Variants in GRID2 observed in about 807,000 individuals in gnomAD.
The protein encoded by GRID2 is glutamate ionotropic receptor delta type subunit 2.
A neutral mutation model predicts 114.8 loss-of-function variants in GRID2; 33 were observed. The ratio of observed to expected loss-of-function variants is 0.29; its 90% CI spans 0.22 to 0.38. GRID2 has a LOEUF of 0.38. Ranked by LOEUF, GRID2 falls within the 10% of genes least tolerant of loss-of-function variation. GRID2 has a pLI of 1.00. For missense variants in GRID2, 1,184 were observed against 1,257.7 expected (o/e 0.94, Z 0.89); for synonymous variants, 505 against 449.9 (o/e 1.12, Z -1.55).
rs189189673 is a variant in GRID2, at chr4:93,474,632, C to A, written c.1859-16007C>A. 2.8e-3 allele frequency among the ~76,000 whole-genome samples: 419 copies of A among 152,144 alleles called. 3 individuals carry two copies. Among genetic ancestry groups the A allele is most frequent in the Non-Finnish European group, 2.9e-3 (199 of 67,998 alleles). ...ACGAAATGGAAATAATAAATCAGAA[C>A]CCTTGGTGGAAGAAATGGCGCATGT... is the stretch of plus-strand genomic sequence containing the variant. On this transcript the variant is annotated intron_variant, in intron 11 of 15. Transcript: ENST00000282020.
At chr4:92,848,351 C>T (rs1469840787) in intron 2 of GRID2, among the ~76,000 whole-genome samples, 2 of 151,758 alleles carry the variant, frequency 1.3e-5, no homozygotes, top group African/African-American at 4.8e-5. Flanking sequence ...TCCCTTCCTG[C>T]CTTGCTTCCT....
chr4:92,803,163 A>C (rs1740254020), intron 2 of GRID2, among the ~76,000 whole-genome samples: 1 of 151,842 alleles, frequency 6.6e-6, no homozygotes, highest in African/African-American at 2.4e-5. Flanking sequence ...TTCCATACAA[A>C]ATTTGAAGTA....
chr4:93,711,598 G>T (rs1349223059), intron 14 of GRID2, among the ~76,000 whole-genome samples: 2 of 152,128 alleles, frequency 1.3e-5, no homozygotes, highest in Non-Finnish European at 2.9e-5. Context: ...TTCCCCTCTG[G>T]CTAGGGATGG....
intron 2 of GRID2, among the ~76,000 whole-genome samples, chr4:92,628,328 G>A (rs1229880126): frequency 1.3e-5 from 2 of 151,778 alleles, no homozygotes; most frequent in African/African-American, 4.8e-5. Flanking sequence ...ATTAAGAAGG[G>A]CACTGGAAAT....
chr4:93,048,267 A>G (rs1321478733), intron 2 of GRID2, among the ~76,000 whole-genome samples: 1 of 152,052 alleles, frequency 6.6e-6, no homozygotes. Flanking sequence ...ACTCATTGTC[A>G]TTTCATGAGG....
chr4:92,497,836 A>C (rs1371550942), intron 1 of GRID2, among the ~76,000 whole-genome samples: 3 of 151,918 alleles, frequency 2.0e-5, no homozygotes, highest in Non-Finnish European at 4.4e-5. Context: ...TACATATTTA[A>C]AAATTTTACG....
chr4:92,473,979 TGTGTG>T (rs1722170976), intron 1 of GRID2, among the ~76,000 whole-genome samples: 1 of 151,022 alleles, frequency 6.6e-6, no homozygotes, highest in African/African-American at 2.4e-5. Context: ...TGTGTGTGTG[TGTGTG>T]TGTGTGTGTG....
intron 4 of GRID2, among the ~76,000 whole-genome samples, chr4:93,146,263 C>T (rs760167016): frequency 4.6e-5 from 7 of 152,138 alleles, no homozygotes; most frequent in South Asian, 4.2e-4. Context: ...ATAGTGACAT[C>T]GAGAGTTAAT....
At chr4:93,655,498 G>C (rs2149727989) in intron 14 of GRID2, among the ~76,000 whole-genome samples, 1 of 152,078 alleles carries the variant, frequency 6.6e-6, no homozygotes, top group South Asian at 2.1e-4. Flanking sequence ...ATGATGAAGA[G>C]TAATTATCAA....
chr4:92,899,990 A>T (rs1176133761), intron 2 of GRID2, among the ~76,000 whole-genome samples: 1 of 152,058 alleles, frequency 6.6e-6, no homozygotes, highest in African/African-American at 2.4e-5. Context: ...TGTTCTAGAG[A>T]TGGAGGGGAA....
intron 13 of GRID2, among the ~76,000 whole-genome samples, chr4:93,566,872 A>C (rs1267476238): frequency 6.6e-6 from 1 of 152,158 alleles, no homozygotes; most frequent in Non-Finnish European, 1.5e-5. Flanking sequence ...CTGACTCTTT[A>C]AAAGTTTAAT....
chr4:93,724,819 G>A (rs573998099), intron 14 of GRID2, among the ~76,000 whole-genome samples: 13 of 152,036 alleles, frequency 8.6e-5, no homozygotes, highest in Non-Finnish European at 1.8e-4. Flanking sequence ...TCACTCTGTC[G>A]CCCAAGCTGG....
intron 2 of GRID2, among the ~76,000 whole-genome samples, chr4:93,008,401 A>T (rs1249441327): frequency 6.6e-6 from 1 of 152,146 alleles, no homozygotes; most frequent in East Asian, 1.9e-4. Context: ...TTTGCAAATG[A>T]AGTAACAGCC....
intron 12 of GRID2, among the ~76,000 whole-genome samples, chr4:93,495,957 A>G (rs1727493652): frequency 6.6e-6 from 1 of 151,716 alleles, no homozygotes; most frequent in African/African-American, 2.4e-5. Flanking sequence ...AATTCTGGAA[A>G]TGACTCTGTT....
chr4:93,767,967 A>G (rs111728442), intron 14 of GRID2, among the ~76,000 whole-genome samples: 130 of 152,324 alleles, frequency 8.5e-4, no homozygotes, highest in African/African-American at 3.1e-3. Context: ...CTGGGAGGCC[A>G]GGTTTAAGTT....
intron 2 of GRID2, among the ~76,000 whole-genome samples, chr4:92,670,448 T>C (rs1026115364): frequency 2.6e-5 from 4 of 152,020 alleles, no homozygotes; most frequent in African/African-American, 9.7e-5. Flanking sequence ...ATTATTCCTA[T>C]TTGTGGATGA....
At chr4:92,915,765 G>C (rs957752139) in intron 2 of GRID2, among the ~76,000 whole-genome samples, 4 of 152,094 alleles carry the variant, frequency 2.6e-5, no homozygotes, top group African/African-American at 9.7e-5. Context: ...ATTCTGTCTG[G>C]TGTGAGATGG....
At chr4:92,973,324 A>T (rs999668954) in intron 2 of GRID2, among the ~76,000 whole-genome samples, 14 of 152,212 alleles carry the variant, frequency 9.2e-5, no homozygotes, top group Admixed American at 7.2e-4. Context: ...TAATGAAATT[A>T]TATAAGGAAG....
chr4:93,423,781 T>G (rs1433936826), intron 10 of GRID2, among the ~76,000 whole-genome samples: 1 of 152,150 alleles, frequency 6.6e-6, no homozygotes, highest in African/African-American at 2.4e-5. Flanking sequence ...GGCTCTGTTA[T>G]TAGGCACATA....
Sources: gnomAD v4.1 joint callset for allele counts (sites outside exome capture counted in the v4.1 genomes callset) on GRCh38, gnomAD v4.1.1 for gene constraint, MANE v1.5 for transcripts, NCBI Gene and HGNC (gene_info 2026-07-23, HGNC 2026-07-21) for gene names.